Variants in GLOD5 observed in about 807,000 individuals in gnomAD.
GLOD5 encodes the protein glyoxalase domain-containing protein 5.
In GLOD5, 7 loss-of-function variants were observed where a neutral mutation model predicts 9.9. That is an observed-to-expected ratio of 0.71 (90% CI 0.40 to 1.33). The LOEUF is 1.33. GLOD5 is among the 40% of genes most tolerant of loss of function. The pLI is 0.01. For missense variants in GLOD5, 146 were observed against 128.4 expected (o/e 1.14, Z -0.66); for synonymous variants, 49 against 47.3 (o/e 1.04, Z -0.14).
chrX:48,766,985 CAAA>C lies in GLOD5; in HGVS notation c.201+1031_201+1033del, dbSNP rs782648787. 6.6e-3 allele frequency among the ~76,000 whole-genome samples: 20 copies of C among 3,016 alleles called. 2 individuals are homozygous for C. In the South Asian group the frequency reaches 0.077, roughly 12 times the overall value. The allele number at this position is 3,016 out of a possible 115,157, so 2.6% of individuals were successfully genotyped here. On this transcript the variant is annotated intron_variant, in intron 2 of 3. Coordinates refer to ENST00000303227, the MANE Select transcript of GLOD5 (RefSeq NM_001080489.3). ...TGGGTGACAGAGCAAGATTCCATCT[CAAA>C]AAAAAAAAAAAAAAAAACCAACATT...
rs781819181 is a variant in GLOD5 at position 48,772,557 on chromosome X, G to A, written c.358-753G>A. Among the ~76,000 whole-genome samples the A allele has an allele frequency of 2.1e-4, 23 of 110,864 alleles. No homozygotes were observed. The South Asian group carries it at 8.0e-3, about 39-fold the overall frequency. ...CCATCTCTACAATAAATAAATAAAAGGGGTTTTAGTTTCCCTTTTGCAGAA... is the reference window on the plus strand; with the variant it reads ...CCATCTCTACAATAAATAAATAAAAAGGGTTTTAGTTTCCCTTTTGCAGAA... On this transcript the variant is annotated intron_variant, in intron 3 of 3. Coordinates refer to ENST00000303227, the MANE Select transcript of GLOD5 (RefSeq NM_001080489.3).
intron 1 of GLOD5, among the ~76,000 whole-genome samples, chrX:48,765,089 T>G (rs1381563810): frequency 1.8e-5 from 2 of 110,684 alleles, no homozygotes; most frequent in African/African-American, 6.6e-5. Flanking sequence ...CCTTCTTGTC[T>G]TGTTCTCTGT....
At chrX:48,766,987 A>AAAAAAAAAAAAAAAAAAAAAAAAAAAAAG (rs2062611042) in intron 2 of GLOD5, among the ~76,000 whole-genome samples, 1 of 71,789 alleles carries the variant, frequency 1.4e-5, no homozygotes, top group African/African-American at 5.0e-5. Context: ...TTCCATCTCA[A>AAAAAAAAAAAAAAAAAAAAAAAAAAAAAG]AAAAAAAAAA....
At chrX:48,764,902 G>A (rs1557016408) in intron 1 of GLOD5, among the ~76,000 whole-genome samples, 1 of 111,133 alleles carries the variant, frequency 9.0e-6, no homozygotes, top group Non-Finnish European at 1.9e-5. Flanking sequence ...TTATAATCCT[G>A]TAGCATAGAT....
chrX:48,769,857 G>A (rs1417758435), intron 2 of GLOD5, among the ~76,000 whole-genome samples: 4 of 107,830 alleles, frequency 3.7e-5, no homozygotes, highest in African/African-American at 1.0e-4. Context: ...GGGTGTGCCT[G>A]TGGTCCCTGC....
In GLOD5 at chrX:48,773,601, C is replaced by G; in HGVS notation, c.*166C>G. 1 of 485,548 alleles carries G rather than the reference C, an allele frequency of 2.1e-6. No homozygotes were observed. The highest frequency in any genetic ancestry group is 2.4e-5 in the African/African-American group (1 of 41,870). 40.0% of individuals were successfully genotyped at this position (485,548 alleles called of 1,213,427 possible). ...CAGGTTTGGGACCAAACCTACATGT[C>G]TGTATGTCATCAAAGTTGGCCTAAT... On this transcript the variant is annotated 3_prime_UTR_variant, in exon 4 of 4. Transcript: ENST00000303227.
chrX:48,768,865 A>G (rs1268113749), intron 2 of GLOD5, among the ~76,000 whole-genome samples: 3 of 109,612 alleles, frequency 2.7e-5, no homozygotes, highest in African/African-American at 1.0e-4. Flanking sequence ...CCCCATCTCT[A>G]CTAAAACTAC....
intron 2 of GLOD5, among the ~76,000 whole-genome samples, chrX:48,766,989 A>AAAAAAAAAAAAAAAAAAAAAAAAAAAAC (rs2062611059): frequency 1.4e-5 from 1 of 73,258 alleles, no homozygotes; most frequent in Non-Finnish European, 2.6e-5. Context: ...CCATCTCAAA[A>AAAAAAAAAAAAAAAAAAAAAAAAAAAAC]AAAAAAAAAA....
At position 48,765,999 on chromosome X, in the gene GLOD5, T is replaced by G. The variant is rs1557016660; in HGVS notation, c.201+27T>G. On this transcript the variant is annotated intron_variant, in intron 2 of 3. Transcript: ENST00000303227. ...TAAGCACTTCCCCAAATGCCAAAAT[T>G]CAGGTGGGCTAAAATTTGTTGATAA... The G allele has an allele frequency of 3.4e-6, 4 of 1,184,498 alleles. No individual in the cohort carries two copies. In the South Asian group the frequency reaches 7.3e-5, roughly 22 times the overall value.
intron 2 of GLOD5, among the ~76,000 whole-genome samples, chrX:48,769,431 G>T (rs1190083082): frequency 9.1e-6 from 1 of 110,116 alleles, no homozygotes; most frequent in South Asian, 3.9e-4. Context: ...TGAGACAGGA[G>T]GATTGTTTGA....
rs782337266 is a variant in GLOD5, at chrX:48,773,435, A to T, written c.483A>T (p.Ter161CysextTer35). The change falls in exon 4 of 4, where the codon TGA becomes TGT. Residue 161 changes from the stop codon to cysteine (C), a stop_lost. Coordinates refer to ENST00000303227, the MANE Select transcript of GLOD5 (RefSeq NM_001080489.3). ...LIEVSNYISS[*>C] The stretch of plus-strand genomic sequence containing the variant: ...AGGTGTCCAACTACATCTCCTCGTG[A>T]TGGAGGCTGGACCTCCTCCATTCTG... The T allele has an allele frequency of 1.7e-6, 2 of 1,208,783 alleles. No individual in the cohort carries two copies. The highest frequency in any genetic ancestry group is 2.2e-6 in the Non-Finnish European group (2 of 894,224).
intron 1 of GLOD5, among the ~76,000 whole-genome samples, chrX:48,762,146 C>T (rs1339148259): frequency 9.0e-6 from 1 of 110,882 alleles, no homozygotes; most frequent in Non-Finnish European, 1.9e-5. Flanking sequence ...GCCCCCAAAG[C>T]TGTCATGATT....
At chrX:48,765,786 G>A (rs782116803) in intron 1 of GLOD5, 49 bp from the exon 2 acceptor site, 13 of 1,177,103 alleles carry the variant, frequency 1.1e-5, no homozygotes, top group Admixed American at 9.5e-5. Flanking sequence ...AAACACAGGC[G>A]TTGACAAGTG....
intron 2 of GLOD5, among the ~76,000 whole-genome samples, chrX:48,769,946 G>C (rs1557017173): frequency 9.8e-6 from 1 of 101,596 alleles, no homozygotes; most frequent in East Asian, 3.1e-4. Flanking sequence ...TGCACTGAAG[G>C]CTGGGCGACA....
chrX:48,765,187 T>C (rs1332977609), intron 1 of GLOD5, among the ~76,000 whole-genome samples: 2 of 110,735 alleles, frequency 1.8e-5, no homozygotes, highest in Non-Finnish European at 3.8e-5. Flanking sequence ...TGTCACTTCT[T>C]GGAAAAGAGA....
At chrX:48,773,261 TCA>T in intron 3 of GLOD5, 47 bp from the exon 4 acceptor site, 3 of 1,189,919 alleles carry the variant, frequency 2.5e-6, no homozygotes, top group Non-Finnish European at 3.4e-6. Flanking sequence ...AATTTTGGTC[TCA>T]CACACACATT....
rs782251883 is a variant in GLOD5, at chrX:48,763,684, C to T, written c.63+1831C>T. Among the ~76,000 whole-genome samples the T allele has an allele frequency of 1.1e-3, 123 of 111,766 alleles. 1 individual carries two copies. Among genetic ancestry groups the T allele is most frequent in the African/African-American group, 4.0e-3 (122 of 30,840 alleles). On this transcript the variant is annotated intron_variant, in intron 1 of 3. Coordinates refer to ENST00000303227, the MANE Select transcript of GLOD5 (RefSeq NM_001080489.3). ...CTCCAGGCTGGGCAACAAAGCAAGA[C>T]CCTGTCTCAAAAAGGGAATTAAAAA...
chrX:48,770,216 G>A (rs942340815), intron 2 of GLOD5, among the ~76,000 whole-genome samples: 5 of 110,234 alleles, frequency 4.5e-5, no homozygotes, highest in Non-Finnish European at 5.7e-5. Context: ...TGGAGGTTGC[G>A]GTAAGCCAAA....
Position 48,761,765 on chromosome X carries a change from C to T in GLOD5, c.-26C>T. The T allele has an allele frequency of 8.7e-7, 1 of 1,154,509 alleles. No homozygotes were observed. Among genetic ancestry groups the T allele is most frequent in the Non-Finnish European group, 1.2e-6 (1 of 861,730 alleles). The stretch of plus-strand genomic sequence containing the variant: ...CTGAGCCAGAGGATTGTCGGGAGGA[C>T]CCTGGGCAAAGACGCCTACCCTGCC... On this transcript the variant is annotated 5_prime_UTR_variant, in exon 1 of 4. Coordinates refer to ENST00000303227, the MANE Select transcript of GLOD5 (RefSeq NM_001080489.3).
Sources: allele counts gnomAD v4.1 joint callset (sites outside exome capture counted in the v4.1 genomes callset), GRCh38; gene constraint gnomAD v4.1.1; transcripts MANE v1.5; gene names NCBI Gene and HGNC (gene_info 2026-07-23, HGNC 2026-07-21).